Variants in CCDC152 observed in about 807,000 individuals in gnomAD.
CCDC152 encodes the protein coiled-coil domain containing 152.
Under a neutral mutation model 38.1 loss-of-function variants are expected in CCDC152, and 37 were observed. That is an observed-to-expected ratio of 0.97 (90% CI 0.75 to 1.28). The LOEUF (loss-of-function observed/expected upper bound fraction) is 1.28. Ranked by LOEUF, CCDC152 falls within the 50% of genes most tolerant of loss-of-function variation. The pLI is 0.00. For synonymous variants in CCDC152, 83 were observed against 87.1 expected (o/e 0.95, Z 0.26); for missense variants, 259 against 292.1 (o/e 0.89, Z 0.83).
At chr5:42,781,132 G>A (rs34502855) in intron 5 of CCDC152, among the ~76,000 whole-genome samples, 48,683 of 151,980 alleles carry the variant, frequency 0.32, 9,085 homozygotes, top group Middle Eastern at 0.44. Flanking sequence ...AAAATCAGTG[G>A]AGAATAGAAA....
intron 4 of CCDC152, among the ~76,000 whole-genome samples, chr5:42,771,037 T>A (rs965790310): frequency 2.0e-5 from 3 of 152,206 alleles, no homozygotes; most frequent in African/African-American, 4.8e-5. Context: ...TATATAGTCA[T>A]GTCATCTGCG....
intron 5 of CCDC152, among the ~76,000 whole-genome samples, chr5:42,780,510 G>A (rs756025643): frequency 2.6e-5 from 4 of 152,078 alleles, no homozygotes; most frequent in Non-Finnish European, 5.9e-5. Context: ...TAATTGGGGT[G>A]GGGAACCAGG....
chr5:42,786,152 C>T (rs1179719814), intron 6 of CCDC152, among the ~76,000 whole-genome samples: 1 of 152,080 alleles, frequency 6.6e-6, no homozygotes, highest in East Asian at 1.9e-4. Context: ...GGCCTCCCTC[C>T]TCCTCAATTT....
chr5:42,757,160 T>A (rs1314622936), intron 1 of CCDC152, among the ~76,000 whole-genome samples: 1 of 139,466 alleles, frequency 7.2e-6, no homozygotes, highest in East Asian at 2.1e-4. Context: ...TCTCAGGCAC[T>A]TCTCTCACAT....
chr5:42,779,153 C>G (rs1317303381), intron 4 of CCDC152, among the ~76,000 whole-genome samples: 2 of 152,174 alleles, frequency 1.3e-5, no homozygotes, highest in Admixed American at 6.6e-5. Context: ...TGACTTCAAG[C>G]TGCCCTAGGT....
intron 6 of CCDC152, among the ~76,000 whole-genome samples, chr5:42,791,784 G>A (rs150005809): frequency 2.1e-4 from 32 of 152,262 alleles, no homozygotes; most frequent in Admixed American, 4.6e-4. Flanking sequence ...GTAATGCTGA[G>A]TCAATGAATT....
intron 6 of CCDC152, among the ~76,000 whole-genome samples, chr5:42,795,230 G>A (rs1760058850): frequency 6.6e-6 from 1 of 152,132 alleles, no homozygotes; most frequent in African/African-American, 2.4e-5. Flanking sequence ...GCAAATAGTA[G>A]CCAACATGAA....
rs1760195798 is a variant in CCDC152, at chr5:42,801,296, A to G, written c.*1515A>G. ...CAACTGTTTTATCCACAGTAGCCAA[A>G]GATACACGTTTACAAAAGTCTTCAT... On this transcript the variant is annotated 3_prime_UTR_variant, in exon 9 of 9. Transcript: ENST00000361970. 1.6e-5 allele frequency: 26 copies of G among 1,612,378 alleles called. No individual in the cohort carries two copies. The highest frequency in any genetic ancestry group is 2.2e-5 in the Non-Finnish European group (26 of 1,179,218).
At chr5:42,796,078 T>C (rs1376902733) in intron 6 of CCDC152, among the ~76,000 whole-genome samples, 3 of 146,512 alleles carry the variant, frequency 2.0e-5, no homozygotes, top group Non-Finnish European at 3.0e-5. Flanking sequence ...CATCACACTC[T>C]GGGGACTGTT....
intron 6 of CCDC152, among the ~76,000 whole-genome samples, chr5:42,785,425 A>G (rs1042762227): frequency 6.6e-6 from 1 of 151,976 alleles, no homozygotes; most frequent in African/African-American, 2.4e-5. Flanking sequence ...TAAGAATGTC[A>G]CTGATTTTGA....
intron 3 of CCDC152, among the ~76,000 whole-genome samples, chr5:42,763,313 A>T (rs1759580405): frequency 6.6e-6 from 1 of 152,250 alleles, no homozygotes; most frequent in African/African-American, 2.4e-5. Flanking sequence ...ACTGATATAA[A>T]TAAATGATTT....
intron 6 of CCDC152, among the ~76,000 whole-genome samples, chr5:42,796,325 A>G (rs1760075498): frequency 6.6e-6 from 1 of 151,972 alleles, no homozygotes; most frequent in African/African-American, 2.4e-5. Context: ...CTCGTTAAAA[A>G]TAAAAGATTT....
intron 2 of CCDC152, among the ~76,000 whole-genome samples, 182 bp from the exon 3 acceptor site, chr5:42,762,261 G>T (rs1335706017): frequency 6.6e-6 from 1 of 152,176 alleles, no homozygotes; most frequent in African/African-American, 2.4e-5. Context: ...TGGCACCACT[G>T]TTCTATATGC....
intron 3 of CCDC152, among the ~76,000 whole-genome samples, chr5:42,765,340 C>G (rs1759610311): frequency 6.6e-6 from 1 of 152,104 alleles, no homozygotes; most frequent in Non-Finnish European, 1.5e-5. Flanking sequence ...CCGTACTACT[C>G]AAAGGAATCT....
chr5:42,773,804 G>A (rs1759731745), intron 4 of CCDC152, among the ~76,000 whole-genome samples: 2 of 152,094 alleles, frequency 1.3e-5, no homozygotes, highest in Non-Finnish European at 2.9e-5. Flanking sequence ...GCCAACAGTG[G>A]CCAATTAACT....
intron 2 of CCDC152, 60 bp downstream of exon 2, chr5:42,759,268 G>A: frequency 2.8e-6 from 3 of 1,058,392 alleles, no homozygotes; most frequent in African/African-American, 1.6e-5. Flanking sequence ...ATTTTGCCAA[G>A]GGAAGAAGTT....
rs1229930050 is a variant in CCDC152, at chr5:42,788,963, A to C, written c.430+5387A>C. Among the ~76,000 whole-genome samples, 3 of 152,208 alleles carry C rather than the reference A, an allele frequency of 2.0e-5. 1 individual carries two copies. Among genetic ancestry groups the C allele is most frequent in the Non-Finnish European group, 2.9e-5 (2 of 68,034 alleles). Reference sequence around the variant, plus strand: ...AGACAGAGATCCCTTGGGCAGCAGCAGTGGCCCACGACAGGTACACAGCCA... The same window carrying C: ...AGACAGAGATCCCTTGGGCAGCAGCCGTGGCCCACGACAGGTACACAGCCA... On this transcript the variant is annotated intron_variant, in intron 6 of 8. Coordinates refer to ENST00000361970, the MANE Select transcript of CCDC152 (RefSeq NM_001134848.2).
chr5:42,759,376 A>G (rs1469854480), intron 2 of CCDC152, among the ~76,000 whole-genome samples, 168 bp downstream of exon 2: 1 of 152,244 alleles, frequency 6.6e-6, no homozygotes, highest in South Asian at 2.1e-4. Context: ...TTTAAAATAT[A>G]TCTGGCTTGG....
intron 4 of CCDC152, among the ~76,000 whole-genome samples, chr5:42,770,189 T>G (rs1332800682): frequency 6.6e-6 from 1 of 152,214 alleles, no homozygotes; most frequent in Non-Finnish European, 1.5e-5. Context: ...CTGACTCAGC[T>G]GTGATGGCTG....
Sources: allele counts gnomAD v4.1 joint callset (sites outside exome capture counted in the v4.1 genomes callset), GRCh38; gene constraint gnomAD v4.1.1; transcripts MANE v1.5; gene names NCBI Gene and HGNC (gene_info 2026-07-23, HGNC 2026-07-21).